The following HECTD2 variants were observed in gnomAD, a reference collection of about 807,000 sequenced individuals.
HECTD2 encodes the protein probable E3 ubiquitin-protein ligase HECTD2.
HECTD2 carries 35 observed loss-of-function variants against 103.2 expected under a neutral mutation model. That is an observed-to-expected ratio of 0.34 (90% CI 0.26 to 0.45). HECTD2 has a LOEUF of 0.45. Ranked by LOEUF, HECTD2 falls within the 20% of genes least tolerant of loss-of-function variation. The pLI is 1.00. For synonymous variants in HECTD2, 281 were observed against 329.9 expected, an observed-to-expected ratio of 0.85 and a Z score of 1.61; for missense variants, 596 against 937.4, an observed-to-expected ratio of 0.64 and a Z score of 4.76.
rs562021643 is a variant in HECTD2 at position 91,506,737 on chromosome 10, C to A, written c.2210+5403C>A. On this transcript the variant is annotated intron_variant, in intron 20 of 20. Transcript: ENST00000298068. ...CCATTCCTTCTGAAACTATTCCAATCAATAGAAAAAGAGGGAATCCTCCCT... is the reference window on the plus strand; with the variant it reads ...CCATTCCTTCTGAAACTATTCCAATAAATAGAAAAAGAGGGAATCCTCCCT... 1.1e-4 allele frequency among the ~76,000 whole-genome samples: 16 copies of A among 152,036 alleles called. No individual in the cohort carries two copies. In the South Asian group the frequency reaches 2.7e-3, roughly 26 times the overall value.
chr10:91,489,793 A>G (rs1846398645), intron 11 of HECTD2: 1 of 152,214 alleles, frequency 6.6e-6, no homozygotes, highest in South Asian at 2.1e-4. Flanking sequence ...TTAGTGTTTT[A>G]TTATAGTAAT....
intron 14 of HECTD2, among the ~76,000 whole-genome samples, chr10:91,494,037 C>G (rs1846573590): frequency 6.6e-6 from 1 of 151,874 alleles, no homozygotes; most frequent in Non-Finnish European, 1.5e-5. Flanking sequence ...ATCTGCAATC[C>G]TATGATTCCT....
intron 15 of HECTD2, among the ~76,000 whole-genome samples, chr10:91,497,227 C>A (rs1200183651): frequency 6.8e-6 from 1 of 147,984 alleles, no homozygotes; most frequent in African/African-American, 2.5e-5. Flanking sequence ...CCGCCTGCCT[C>A]AGCCTCCCAA....
intron 12 of HECTD2, 28 bp from the exon 13 acceptor site, chr10:91,492,324 T>G: frequency 6.3e-7 from 1 of 1,597,156 alleles, no homozygotes; most frequent in East Asian, 2.2e-5. Context: ...CTCTTTGTTC[T>G]CCTCTACTGT....
At chr10:91,504,004 C>T (rs1002245317) in intron 20 of HECTD2, among the ~76,000 whole-genome samples, 1 of 152,216 alleles carries the variant, frequency 6.6e-6, no homozygotes, top group African/African-American at 2.4e-5. Context: ...GAGGCACCCT[C>T]CAGCAGGGGC....
Position 91,410,516 on chromosome 10 carries a change from G to A in HECTD2, c.78G>A (p.Gly26=). Residue 26 remains glycine (G), a synonymous_variant, in exon 1 of 21, where the codon GGG becomes GGA. Coordinates refer to ENST00000298068, the MANE Select transcript of HECTD2 (RefSeq NM_182765.6). ...VAAPAPEERK[G]KESEREKLPP... ...CGCCCGCGCCTGAGGAGAGGAAAGG[G>A]AAGGAGTCAGAGCGCGAGAAGCTGC... is the stretch of plus-strand genomic sequence containing the variant. The A allele has an allele frequency of 6.8e-7, 1 of 1,480,642 alleles. No homozygotes were observed. The highest frequency in any genetic ancestry group is 8.9e-7 in the Non-Finnish European group (1 of 1,120,356). 91.7% of individuals were successfully genotyped at this position (1,480,642 alleles called of 1,614,324 possible).
chr10:91,499,070 C>T lies in HECTD2; in HGVS notation c.1870C>T (p.Leu624Phe). The T allele has an allele frequency of 1.2e-6, 2 of 1,612,324 alleles. No homozygotes were observed. Among genetic ancestry groups the T allele is most frequent in the Non-Finnish European group, 1.7e-6 (2 of 1,178,720 alleles). The change falls in exon 18 of 21, where the codon CTT becomes TTT. Residue 624 changes from leucine to phenylalanine, a missense_variant. Leu to Phe is a conservative substitution (Grantham distance 22). This residue lies in a region of HECTD2 where 4 missense variants were observed against 27.1 expected (regional missense o/e 0.15). Coordinates refer to ENST00000298068, the MANE Select transcript of HECTD2 (RefSeq NM_182765.6). Reference sequence around the variant, plus strand: ...ATATGTACAGCTTTATACTGACTTCCTTCTGAACAAATCCATCTATAAGCA... The same window carrying T: ...ATATGTACAGCTTTATACTGACTTCTTTCTGAACAAATCCATCTATAAGCA... Reference protein sequence around the residue: ...KEYVQLYTDFLLNKSIYKQFA... With the variant: ...KEYVQLYTDFFLNKSIYKQFA...
chr10:91,499,911 C>T (rs573813948), intron 18 of HECTD2, among the ~76,000 whole-genome samples: 9 of 152,090 alleles, frequency 5.9e-5, no homozygotes, highest in African/African-American at 1.9e-4. Flanking sequence ...TGTTTGTTGT[C>T]GAAAATACCT....
intron 1 of HECTD2, among the ~76,000 whole-genome samples, chr10:91,420,757 T>C (rs1843327342): frequency 1.3e-5 from 2 of 152,180 alleles, no homozygotes; most frequent in South Asian, 2.1e-4. Flanking sequence ...GTCTTTTCTA[T>C]ATTCCCCTGT....
At chr10:91,480,878 G>A (rs567908180) in intron 6 of HECTD2, among the ~76,000 whole-genome samples, 1 of 152,060 alleles carries the variant, frequency 6.6e-6, no homozygotes, top group South Asian at 2.1e-4. Context: ...AGCCTAGTTA[G>A]CTCAGTCTTT....
At chr10:91,510,396 C>T (rs1296246040) in intron 20 of HECTD2, among the ~76,000 whole-genome samples, 2 of 152,146 alleles carry the variant, frequency 1.3e-5, no homozygotes, top group East Asian at 1.9e-4. Context: ...GGTCCTGCAC[C>T]TCATCAAATA....
chr10:91,419,562 G>A (rs74149207), intron 1 of HECTD2, among the ~76,000 whole-genome samples: 6 of 152,046 alleles, frequency 3.9e-5, no homozygotes, highest in African/African-American at 9.7e-5. Flanking sequence ...TAATTACTAC[G>A]TTTTTCTGCT....
At chr10:91,430,147 A>C (rs967877899) in intron 2 of HECTD2, among the ~76,000 whole-genome samples, 41 of 152,210 alleles carry the variant, frequency 2.7e-4, no homozygotes, top group Non-Finnish European at 5.6e-4. Context: ...CCCAGTAGTC[A>C]TTCAGGAGTA....
chr10:91,497,549 T>G (rs1846732642), intron 15 of HECTD2, among the ~76,000 whole-genome samples: 1 of 149,252 alleles, frequency 6.7e-6, no homozygotes, highest in Non-Finnish European at 1.5e-5. Context: ...GACCTTGTGA[T>G]CTGCCCACCT....
Position 91,425,303 on chromosome 10 carries a change from G to A in HECTD2, c.161G>A (p.Gly54Asp). Residue 54 changes from glycine (G) to aspartate (D), a missense_variant, in exon 2 of 21, where the codon GGC becomes GAC. Physicochemically the swap from Gly to Asp is moderately conservative, Grantham distance 94 (BLOSUM62 -1). Transcript: ENST00000298068. ...CAGGGTTTGGACAGAGGAGCCAAAG[G>A]CCAAATTTCCACTTTCAGCAGTTTT... is the stretch of plus-strand genomic sequence containing the variant. ...ATAGLDRGAK[G>D]QISTFSSFIS... 2 of 1,544,374 alleles carry A rather than the reference G, an allele frequency of 1.3e-6. No individual in the cohort carries two copies. The highest frequency in any genetic ancestry group is 1.3e-5 in the South Asian group (1 of 78,926).
At chr10:91,472,259 A>G (rs1432147387) in intron 5 of HECTD2, among the ~76,000 whole-genome samples, 1 of 152,214 alleles carries the variant, frequency 6.6e-6, no homozygotes, top group Non-Finnish European at 1.5e-5. Flanking sequence ...CTATATGTAA[A>G]AGATTGAAAG....
intron 5 of HECTD2, among the ~76,000 whole-genome samples, chr10:91,471,534 C>T (rs1464237470): frequency 6.6e-6 from 1 of 152,130 alleles, no homozygotes; most frequent in African/African-American, 2.4e-5. Flanking sequence ...CAAATCTTTG[C>T]AGATGTTATT....
chr10:91,507,677 G>A (rs1392767762), intron 20 of HECTD2, among the ~76,000 whole-genome samples: 110 of 145,016 alleles, frequency 7.6e-4, no homozygotes, highest in African/African-American at 2.8e-3. Context: ...AATCAATATC[G>A]TGAAAATGGC....
chr10:91,418,312 AAAAT>A (rs2132991810), intron 1 of HECTD2, among the ~76,000 whole-genome samples: 1 of 152,332 alleles, frequency 6.6e-6, no homozygotes, highest in African/African-American at 2.4e-5. Flanking sequence ...CCTATATTAT[AAAAT>A]AAATGAATAA....
Sources: gnomAD v4.1 joint callset for allele counts (sites outside exome capture counted in the v4.1 genomes callset) on GRCh38, gnomAD v4.1.1 for gene constraint, gnomAD v4.1.1 regional missense constraint, MANE v1.5 for transcripts, NCBI Gene and HGNC (gene_info 2026-07-23, HGNC 2026-07-21) for gene names.